Variants in CDKN2B-AS1 observed in about 807,000 individuals in gnomAD.
CDKN2B-AS1 encodes the protein CDKN2B antisense RNA 1 (non-protein coding).
At chr9:22,102,236 C>T (rs147996310) in intron 4 of CDKN2B-AS1, among the ~76,000 whole-genome samples, 1 of 151,948 alleles carries the variant, frequency 6.6e-6, no homozygotes, top group Non-Finnish European at 1.5e-5. Flanking sequence ...TGTTTTTTTC[C>T]CCGGCTTTGA....
chr9:22,024,651 A>G (rs932198375), intron 1 of CDKN2B-AS1, among the ~76,000 whole-genome samples: 1 of 152,264 alleles, frequency 6.6e-6, no homozygotes, highest in South Asian at 2.1e-4. Context: ...TCTGTCTGCA[A>G]TGGTGGTTGA....
chr9:22,080,778 A>G (rs1824663809), intron 4 of CDKN2B-AS1, among the ~76,000 whole-genome samples: 1 of 152,252 alleles, frequency 6.6e-6, no homozygotes. Context: ...TCTGATGACC[A>G]CAGGCCACCA....
chr9:22,015,180 G>A (rs1364721365), intron 1 of CDKN2B-AS1, among the ~76,000 whole-genome samples: 3 of 152,044 alleles, frequency 2.0e-5, no homozygotes, highest in South Asian at 2.1e-4. Context: ...CTGAGAAATC[G>A]CCACACTGAC....
At chr9:22,115,503 C>T (rs375107562) in intron 4 of CDKN2B-AS1, among the ~76,000 whole-genome samples, 1 of 152,084 alleles carries the variant, frequency 6.6e-6, no homozygotes, top group African/African-American at 2.4e-5. Context: ...CGAAGAGAAA[C>T]CTGAAAAAAG....
At position 22,006,170 on chromosome 9, in the gene CDKN2B-AS1, G is replaced by GGC; in HGVS notation, n.29+11010_29+11011dup. The stretch of plus-strand genomic sequence containing the variant: ...CATCATGCACCGGTCGGGTGAGAGT[G>GGC]GCAGGGTCTGCGCAGTTGGGCTCCG... On this transcript the variant is annotated intron_variant and non_coding_transcript_variant, in intron 1 of 4. Coordinates refer to ENST00000650946, the Ensembl canonical transcript of CDKN2B-AS1. The surrounding 1 kb of genome is among the most constrained non-coding windows in gnomAD (Gnocchi z 6.4). 1 of 1,610,560 alleles carries GGC rather than the reference G, an allele frequency of 6.2e-7. No homozygotes were observed. The highest frequency in any genetic ancestry group is 1.1e-5 in the South Asian group (1 of 91,040).
chr9:22,071,708 A>C (rs1316095706), intron 4 of CDKN2B-AS1, among the ~76,000 whole-genome samples: 2 of 152,118 alleles, frequency 1.3e-5, no homozygotes, highest in African/African-American at 2.4e-5. Context: ...GATTTTATAT[A>C]CTGCTATGTA....
chr9:22,055,044 C>T (rs750855987), intron 3 of CDKN2B-AS1, among the ~76,000 whole-genome samples: 3 of 152,178 alleles, frequency 2.0e-5, no homozygotes, highest in African/African-American at 7.2e-5. Context: ...TGAGCCACCA[C>T]GCCCAGCCTG....
intron 4 of CDKN2B-AS1, among the ~76,000 whole-genome samples, chr9:22,101,904 A>C (rs949193971): frequency 3.3e-5 from 5 of 152,178 alleles, no homozygotes; most frequent in East Asian, 1.9e-4. Flanking sequence ...CAACATGGCC[A>C]TGTTCTTGGT....
intron 1 of CDKN2B-AS1, chr9:22,012,238 G>A (rs745698224): frequency 3.4e-5 from 49 of 1,422,550 alleles, no homozygotes; most frequent in South Asian, 8.0e-5. Context: ...ATGTCAGTGC[G>A]AAAATTCAAG....
chr9:22,118,237 A>T (rs537468919), intron 4 of CDKN2B-AS1: 1 of 152,330 alleles, frequency 6.6e-6, no homozygotes, highest in African/African-American at 2.4e-5. Context: ...TCTTATGCTA[A>T]CATGTACTAA....
At chr9:22,121,258 A>G (rs967162881) in intron 4 of CDKN2B-AS1, among the ~76,000 whole-genome samples, 1 of 152,124 alleles carries the variant, frequency 6.6e-6, no homozygotes, top group East Asian at 1.9e-4. Context: ...TAGATTGATA[A>G]TGGCAAGGGT....
intron 4 of CDKN2B-AS1, among the ~76,000 whole-genome samples, chr9:22,065,430 T>G (rs961131608): frequency 6.6e-6 from 1 of 152,002 alleles, no homozygotes; most frequent in African/African-American, 2.4e-5. Flanking sequence ...TTGTCTAGAG[T>G]CTTCTAGACT....
intron 4 of CDKN2B-AS1, chr9:22,118,527 GGAGA>G (rs1319515743): frequency 2.6e-5 from 4 of 152,244 alleles, no homozygotes; most frequent in African/African-American, 9.6e-5. Flanking sequence ...GTAACTTTAT[GGAGA>G]GAGAAGAACC....
chr9:22,059,903 A>G (rs112180267), intron 4 of CDKN2B-AS1, among the ~76,000 whole-genome samples: 12,680 of 152,268 alleles, frequency 0.083, 1,703 homozygotes, highest in African/African-American at 0.28. Context: ...AGCCTGAGCT[A>G]TATATTGGCC....
intron 3 of CDKN2B-AS1, among the ~76,000 whole-genome samples, chr9:22,051,559 A>C (rs1823347524): frequency 6.6e-6 from 1 of 152,170 alleles, no homozygotes; most frequent in Non-Finnish European, 1.5e-5. Flanking sequence ...AGTTATATAC[A>C]ATGTTTCTTA....
chr9:22,026,090 TAAA>T (rs777273835), intron 1 of CDKN2B-AS1, among the ~76,000 whole-genome samples: 2 of 132,134 alleles, frequency 1.5e-5, no homozygotes, highest in Admixed American at 1.5e-4. Context: ...GGGGACCTGC[TAAA>T]AAAAAAAAAA....
intron 1 of CDKN2B-AS1, chr9:22,008,710 C>T (rs1157846582): frequency 6.2e-7 from 1 of 1,611,538 alleles, no homozygotes; most frequent in South Asian, 1.1e-5. Flanking sequence ...AAATCTACAT[C>T]GGCGATCTAG....
chr9:22,106,866 C>G (rs1825673280), intron 4 of CDKN2B-AS1, among the ~76,000 whole-genome samples: 1 of 152,112 alleles, frequency 6.6e-6, no homozygotes, highest in Non-Finnish European at 1.5e-5. Context: ...AGCTATGAAG[C>G]AGGACTAATG....
chr9:22,012,559 G>T, intron 1 of CDKN2B-AS1: 1 of 544,162 alleles, frequency 1.8e-6, no homozygotes, highest in Non-Finnish European at 3.5e-6. Context: ...TCCTCGGAGG[G>T]CAGCCTCCTG....
Sources: gnomAD v4.1 joint callset for allele counts (sites outside exome capture counted in the v4.1 genomes callset) on GRCh38, gnomAD v4.1.1 for gene constraint, Gnocchi (gnomAD v3.1) non-coding constraint, MANE v1.5 for transcripts, NCBI Gene and HGNC (gene_info 2026-07-23, HGNC 2026-07-21) for gene names.